Variants in CLPB observed in about 807,000 individuals in gnomAD.
CLPB encodes mitochondrial disaggregase.
A neutral mutation model predicts 78.4 loss-of-function variants in CLPB; 40 were observed. That is an observed-to-expected ratio of 0.51 (90% CI 0.40 to 0.66). The LOEUF is 0.66. Among genes scored for constraint, CLPB ranks in the 30% least tolerant of loss-of-function variants. The pLI, the probability that CLPB is intolerant of heterozygous loss-of-function variation, is 0.00. For missense variants in CLPB, 780 were observed against 886.9 expected (o/e 0.88, Z 1.53); for synonymous variants, 333 against 348.0 (o/e 0.96, Z 0.48).
intron 11 of CLPB, among the ~76,000 whole-genome samples, chr11:72,298,280 C>T (rs1949593292): frequency 6.6e-6 from 1 of 152,126 alleles, no homozygotes; most frequent in Non-Finnish European, 1.5e-5. Flanking sequence ...GAGGCTGCTT[C>T]CCTCACACCT....
At chr11:72,397,375 C>A (rs890551940) in intron 3 of CLPB, among the ~76,000 whole-genome samples, 9 of 152,176 alleles carry the variant, frequency 5.9e-5, no homozygotes, top group African/African-American at 2.2e-4. Flanking sequence ...TTTTATTTCT[C>A]TTAGACAAAT....
chr11:72,352,593 C>CCCTG (rs1401933533), intron 5 of CLPB: 1 of 152,262 alleles, frequency 6.6e-6, no homozygotes, highest in Non-Finnish European at 1.5e-5. Flanking sequence ...ATCATGCTTT[C>CCCTG]CCTGCCCTCT....
chr11:72,416,416 T>C (rs960814068), intron 2 of CLPB, among the ~76,000 whole-genome samples: 2 of 152,050 alleles, frequency 1.3e-5, no homozygotes, highest in Non-Finnish European at 2.9e-5. Context: ...AAGAAATTGC[T>C]CATAACAGGC....
Position 72,360,586 on chromosome 11 carries a change from G to A in CLPB, c.647-1578C>T, listed in dbSNP as rs377257779. Among the ~76,000 whole-genome samples the A allele has an allele frequency of 1.1e-4, 16 of 152,092 alleles. No individual in the cohort carries two copies. The East Asian group carries it at 1.9e-3, about 18-fold the overall frequency. On this transcript the variant is annotated intron_variant, in intron 4 of 15. Transcript: ENST00000538039. Reference sequence around the variant, plus strand: ...CGAGTAGCTGGGATTACAGGTGCCCGCCACCACAGCCGGCTAATTTTTGTA... The same window carrying A: ...CGAGTAGCTGGGATTACAGGTGCCCACCACCACAGCCGGCTAATTTTTGTA...
chr11:72,397,999 CT>C (rs1855457591), intron 3 of CLPB, among the ~76,000 whole-genome samples: 1 of 152,176 alleles, frequency 6.6e-6, no homozygotes, highest in African/African-American at 2.4e-5. Flanking sequence ...AATACCAGAG[CT>C]TTAAGGAAAG....
At chr11:72,326,693 G>A (rs2135545007) in intron 6 of CLPB, among the ~76,000 whole-genome samples, 1 of 152,224 alleles carries the variant, frequency 6.6e-6, no homozygotes, top group Non-Finnish European at 1.5e-5. Context: ...AGCTTCAGCA[G>A]CCTCCAGGCC....
chr11:72,286,223 G>GTTTTTTTTTGT lies in CLPB; in HGVS notation c.*7143_*7144insACAAAAAAAAA, dbSNP rs1949386796. ...ATTACAGGTGTGAGATACTGCACCT[G>GTTTTTTTTTGT]TTTTTTTTTTTTTTTTTTTTTTTAA... On this transcript the variant is annotated 3_prime_UTR_variant, in exon 16 of 16. Coordinates refer to ENST00000538039, the MANE Select transcript of CLPB (RefSeq NM_001258392.3). The GTTTTTTTTTGT allele has an allele frequency of 1.7e-5, 1 of 60,450 alleles. No homozygotes were observed. Among genetic ancestry groups the GTTTTTTTTTGT allele is most frequent in the Non-Finnish European group, 3.1e-5 (1 of 32,212 alleles). 3.7% of individuals were successfully genotyped at this position (60,450 alleles called of 1,614,324 possible).
At chr11:72,408,094 A>C in intron 2 of CLPB, 1 of 1,528,986 alleles carries the variant, frequency 6.5e-7, no homozygotes, top group Non-Finnish European at 8.8e-7. Flanking sequence ...AGGGCTCTAC[A>C]AACCTGAGGG....
intron 5 of CLPB, among the ~76,000 whole-genome samples, chr11:72,339,077 T>TG (rs368368763): frequency 4.6e-5 from 7 of 152,342 alleles, no homozygotes; most frequent in African/African-American, 1.7e-4. Flanking sequence ...ACTTGGTCCT[T>TG]GTTCAGCATG....
At chr11:72,353,376 A>C (rs953283462) in intron 5 of CLPB, among the ~76,000 whole-genome samples, 2 of 152,298 alleles carry the variant, frequency 1.3e-5, no homozygotes, top group African/African-American at 4.8e-5. Context: ...CTGAAAAGGA[A>C]GTGGCATTAT....
Position 72,380,345 on chromosome 11 carries a change from G to A in CLPB, c.582C>T (p.Asn194=), listed in dbSNP as rs200063494. The A allele has an allele frequency of 3.0e-5, 49 of 1,614,014 alleles. No individual in the cohort carries two copies. Among genetic ancestry groups the A allele is most frequent in the South Asian group, 2.5e-4 (23 of 91,082 alleles). The part of the protein sequence containing the change: ...QVLLAAGADP[N]LGDDFSSVYK... ...AAACACTGCTGAAATCATCTCCAAG[G>A]TTTGGATCAGCCCCAGCAGCAAGCA... The change falls in exon 4 of 16, where the codon AAC becomes AAT. Residue 194 remains asparagine, a synonymous_variant. Transcript: ENST00000538039.
At chr11:72,337,082 G>A (rs1294282371) in intron 5 of CLPB, 1 of 398,666 alleles carries the variant, frequency 2.5e-6, no homozygotes, top group Admixed American at 4.4e-5. Flanking sequence ...CAGTATGTAT[G>A]GGGCTACTCA....
intron 3 of CLPB, among the ~76,000 whole-genome samples, chr11:72,388,473 G>C (rs186706225): frequency 6.6e-6 from 1 of 151,964 alleles, no homozygotes; most frequent in Non-Finnish European, 1.5e-5. Flanking sequence ...GGATGGTCTC[G>C]ATCTCCTGAC....
At chr11:72,294,543 C>A (rs1011708876) in intron 13 of CLPB, 77 bp downstream of exon 13, 17 of 1,609,382 alleles carry the variant, frequency 1.1e-5, no homozygotes, top group Admixed American at 1.0e-4. Context: ...TATGGGGCTT[C>A]CAGATCTTTA....
At chr11:72,416,887 GT>G (rs1182124632) in intron 2 of CLPB, among the ~76,000 whole-genome samples, 7 of 152,224 alleles carry the variant, frequency 4.6e-5, no homozygotes, top group East Asian at 1.9e-4. Flanking sequence ...CACACACTAG[GT>G]TTGCTGTAAG....
chr11:72,337,326 C>A (rs1950340626), intron 5 of CLPB, among the ~76,000 whole-genome samples: 1 of 145,594 alleles, frequency 6.9e-6, no homozygotes, highest in East Asian at 2.0e-4. Flanking sequence ...AAAATACTTA[C>A]TGGGCACTTG....
intron 3 of CLPB, among the ~76,000 whole-genome samples, chr11:72,399,848 T>C (rs751883152): frequency 5.9e-5 from 9 of 152,196 alleles, no homozygotes; most frequent in Admixed American, 5.9e-4. Context: ...CTGGAAGGAT[T>C]TGGAGATTGA....
intron 3 of CLPB, among the ~76,000 whole-genome samples, chr11:72,396,539 T>A (rs529328269): frequency 6.6e-6 from 1 of 152,276 alleles, no homozygotes; most frequent in East Asian, 1.9e-4. Context: ...CCAAGAATAG[T>A]GTGGGAGAGG....
chr11:72,315,481 C>T (rs1348941903), intron 7 of CLPB, among the ~76,000 whole-genome samples: 1 of 152,190 alleles, frequency 6.6e-6, no homozygotes, highest in Non-Finnish European at 1.5e-5. Context: ...CCAGAGAGGC[C>T]ATGGGGGCCT....
Sources: allele counts gnomAD v4.1 joint callset (sites outside exome capture counted in the v4.1 genomes callset), GRCh38; gene constraint gnomAD v4.1.1; transcripts MANE v1.5; gene names NCBI Gene and HGNC (gene_info 2026-07-23, HGNC 2026-07-21).